Variants in RBFOX1 observed in about 807,000 individuals in gnomAD.
RBFOX1 encodes the protein RNA binding fox-1 homolog 1, also known as RNA binding protein fox-1 homolog 1.
RBFOX1 carries 8 observed loss-of-function variants against 57.7 expected under a neutral mutation model. The observed-to-expected ratio is 0.14, with a 90% CI of 0.08 to 0.25. The LOEUF is 0.25. Among genes scored for constraint, RBFOX1 ranks in the 10% least tolerant of loss-of-function variants. The probability of loss-of-function intolerance (pLI) is 1.00; values close to 1 mark genes in which losing one functional copy is unlikely to be tolerated. For missense variants in RBFOX1, 611 were observed against 548.5 expected, an observed-to-expected ratio of 1.11 and a Z score of -1.14; for synonymous variants, 326 against 222.4, an observed-to-expected ratio of 1.47 and a Z score of -4.15.
chr16:5,369,673 A>C (rs1460734838), intron 1 of RBFOX1, among the ~76,000 whole-genome samples: 1 of 152,088 alleles, frequency 6.6e-6, no homozygotes, highest in African/African-American at 2.4e-5. Context: ...AACTAAACAT[A>C]TTTCCAAAGC....
intron 3 of RBFOX1, among the ~76,000 whole-genome samples, chr16:6,793,422 G>A (rs117828168): frequency 8.5e-5 from 13 of 152,148 alleles, no homozygotes; most frequent in Admixed American, 2.0e-4. Context: ...TTACCTGTTC[G>A]TAATACAGAA....
chr16:7,362,264 G>A (rs1467232117), intron 4 of RBFOX1, among the ~76,000 whole-genome samples: 1 of 148,482 alleles, frequency 6.7e-6, no homozygotes, highest in African/African-American at 2.5e-5. Flanking sequence ...GTTAGTATGT[G>A]TGTTTTGTGT....
Position 6,904,073 on chromosome 16 carries a change from G to A in RBFOX1, c.-15-147984G>A, listed in dbSNP as rs557676427. ...TAAGCTACCCCCATGGGGGCTGTGC[G>A]GGTACAGCAAGTCGGATGCTCTTAT... On this transcript the variant is annotated intron_variant, in intron 3 of 15. Coordinates refer to ENST00000550418, the MANE Select transcript of RBFOX1 (RefSeq NM_018723.4). Among the ~76,000 whole-genome samples the A allele has an allele frequency of 4.3e-4, 65 of 152,292 alleles. 2 individuals carry two copies. In the South Asian group the frequency reaches 0.011, roughly 25 times the overall value.
rs2092245365 is a variant in RBFOX1, at chr16:6,385,962, G to T, written c.-64+68905G>T. Reference sequence around the variant, plus strand: ...TTCTTTTTTTTTTTTTTGAGATGGAGTCTTGCTCTGTCGCCCAGGCTGGAG... The same window carrying T: ...TTCTTTTTTTTTTTTTTGAGATGGATTCTTGCTCTGTCGCCCAGGCTGGAG... On this transcript the variant is annotated intron_variant, in intron 2 of 15. Coordinates refer to ENST00000550418, the MANE Select transcript of RBFOX1 (RefSeq NM_018723.4). Among the ~76,000 whole-genome samples, 2 of 146,488 alleles carry T rather than the reference G, an allele frequency of 1.4e-5. 1 individual carries two copies. The highest frequency in any genetic ancestry group is 3.0e-5 in the Non-Finnish European group (2 of 67,102).
intron 1 of RBFOX1, among the ~76,000 whole-genome samples, chr16:5,368,738 A>G (rs1181786237): frequency 6.6e-6 from 1 of 151,922 alleles, no homozygotes; most frequent in African/African-American, 2.4e-5. Context: ...TTTCATAGTG[A>G]CCTCTCTAAG....
At chr16:7,686,029 T>C (rs896748494) in intron 14 of RBFOX1, among the ~76,000 whole-genome samples, 1 of 151,964 alleles carries the variant, frequency 6.6e-6, no homozygotes, top group African/African-American at 2.4e-5. Flanking sequence ...ATCTATAAAG[T>C]GGGATTAATG....
intron 4 of RBFOX1, among the ~76,000 whole-genome samples, chr16:7,463,520 G>A (rs189089941): frequency 1.4e-4 from 21 of 152,128 alleles, no homozygotes; most frequent in Admixed American, 2.6e-4. Context: ...ACAAAAAAAG[G>A]TACAAATCCC....
At chr16:5,712,761 A>C (rs1356346812) in intron 3 of RBFOX1, among the ~76,000 whole-genome samples, 1 of 152,186 alleles carries the variant, frequency 6.6e-6, no homozygotes, top group East Asian at 1.9e-4. Flanking sequence ...TGGTTAGATG[A>C]TCTGAAGAAA....
intron 4 of RBFOX1, among the ~76,000 whole-genome samples, chr16:7,223,514 G>T (rs2092883651): frequency 6.6e-6 from 1 of 152,122 alleles, no homozygotes; most frequent in Non-Finnish European, 1.5e-5. Flanking sequence ...CTTTACCTGT[G>T]GAAGTTACTT....
intron 3 of RBFOX1, among the ~76,000 whole-genome samples, chr16:6,814,302 CA>C (rs1336688749): frequency 6.6e-6 from 1 of 152,028 alleles, no homozygotes; most frequent in Non-Finnish European, 1.5e-5. Context: ...TTCTGATCTT[CA>C]AACTGAAAGC....
chr16:7,607,431 G>A (rs2095320995), intron 10 of RBFOX1, 93 bp downstream of exon 10: 3 of 1,116,538 alleles, frequency 2.7e-6, no homozygotes, highest in Non-Finnish European at 4.0e-6. Context: ...ATAACCTGAA[G>A]CAAGTGAATT....
At chr16:6,684,728 G>T (rs2059170383) in intron 3 of RBFOX1, among the ~76,000 whole-genome samples, 1 of 152,188 alleles carries the variant, frequency 6.6e-6, no homozygotes, top group Non-Finnish European at 1.5e-5. Context: ...TGAGGGCCTA[G>T]CCCCCTGTCG....
chr16:6,513,004 C>A (rs144016293), intron 2 of RBFOX1, among the ~76,000 whole-genome samples: 1 of 152,290 alleles, frequency 6.6e-6, no homozygotes. Flanking sequence ...ATTCCTACTT[C>A]TCATCGATGT....
At chr16:6,128,800 G>T (rs1192536022) in intron 1 of RBFOX1, among the ~76,000 whole-genome samples, 1 of 152,202 alleles carries the variant, frequency 6.6e-6, no homozygotes, top group South Asian at 2.1e-4. Flanking sequence ...TCTGTGCAGT[G>T]CTGGGGCACT....
At chr16:6,751,160 A>G (rs1425545176) in intron 3 of RBFOX1, among the ~76,000 whole-genome samples, 1 of 152,256 alleles carries the variant, frequency 6.6e-6, no homozygotes, top group Admixed American at 6.5e-5. Context: ...CATTTACTTT[A>G]CATTTTATTC....
chr16:5,759,377 C>T (rs958437139), intron 3 of RBFOX1, among the ~76,000 whole-genome samples: 1 of 152,174 alleles, frequency 6.6e-6, no homozygotes, highest in Non-Finnish European at 1.5e-5. Flanking sequence ...GTGGATCCTC[C>T]TCCACGTCTC....
At chr16:7,520,623 C>G (rs1174257923) in intron 5 of RBFOX1, among the ~76,000 whole-genome samples, 1 of 152,316 alleles carries the variant, frequency 6.6e-6, no homozygotes, top group East Asian at 1.9e-4. Flanking sequence ...TTCTTCTGAA[C>G]ACTCCTGCTG....
chr16:7,219,137 G>A (rs528647872), intron 4 of RBFOX1, among the ~76,000 whole-genome samples: 3 of 152,258 alleles, frequency 2.0e-5, no homozygotes, highest in Non-Finnish European at 2.9e-5. Flanking sequence ...TGTCAGCCCT[G>A]CTCGGAGTAG....
intron 1 of RBFOX1, among the ~76,000 whole-genome samples, chr16:6,286,329 G>A (rs567394055): frequency 2.0e-5 from 3 of 151,950 alleles, no homozygotes; most frequent in South Asian, 2.1e-4. Context: ...GATAACTTGG[G>A]AAGAGTTCAG....
Sources: gnomAD v4.1 joint callset for allele counts (sites outside exome capture counted in the v4.1 genomes callset) on GRCh38, gnomAD v4.1.1 for gene constraint, MANE v1.5 for transcripts, NCBI Gene and HGNC (gene_info 2026-07-23, HGNC 2026-07-21) for gene names.